CDIN1: variants seen among roughly 807,000 people sequenced by gnomAD.
CDIN1 encodes CDAN1 interacting nuclease 1, also known as CDAN1-interacting nuclease 1.
In CDIN1, 33 loss-of-function variants were observed where a neutral mutation model predicts 45.3. The observed-to-expected ratio is 0.73, with a 90% CI of 0.55 to 0.97. The LOEUF is 0.97. Among genes scored for constraint, CDIN1 ranks in the 50% least tolerant of loss-of-function variants. The pLI, the probability that CDIN1 is intolerant of heterozygous loss-of-function variation, is 0.00. For missense variants in CDIN1, 303 were observed against 339.4 expected (o/e 0.89, Z 0.84); for synonymous variants, 118 against 124.4 (o/e 0.95, Z 0.34).
At chr15:36,618,762 A>G in intron 1 of CDIN1, 2 of 67,980 alleles carry the variant, frequency 2.9e-5, no homozygotes, top group Non-Finnish European at 6.6e-5. Flanking sequence ...CAACTCAGCC[A>G]AAAAAAAAAA....
At chr15:36,703,341 CAG>C (rs34696343) in intron 8 of CDIN1, among the ~76,000 whole-genome samples, 5,894 of 60,524 alleles carry the variant, frequency 0.097, 529 homozygotes, top group African/African-American at 0.16. Context: ...ATAGATCTAT[CAG>C]ATATATACAT....
rs1165630114 is a variant in CDIN1 at position 36,673,455 on chromosome 15, C to G, written c.346+15550C>G. ...TAAACAAATTTGCTCAGGAGCTCATCAGTGTCAAGAGTAATAACGATTGTC... is the reference window on the plus strand; with the variant it reads ...TAAACAAATTTGCTCAGGAGCTCATGAGTGTCAAGAGTAATAACGATTGTC... On this transcript the variant is annotated intron_variant, in intron 5 of 10. Coordinates refer to ENST00000566621, the MANE Select transcript of CDIN1 (RefSeq NM_001321759.2). 8.5e-5 allele frequency among the ~76,000 whole-genome samples: 13 copies of G among 152,226 alleles called. No individual in the cohort carries two copies. The East Asian group carries it at 2.5e-3, about 29-fold the overall frequency.
Position 36,646,559 on chromosome 15 carries a change from C to T in CDIN1, c.212+1272C>T, listed in dbSNP as rs374047106. On this transcript the variant is annotated intron_variant, in intron 3 of 10. Transcript: ENST00000566621. ...ATTGACATTCAAATTAAAGTCATAG[C>T]CTAAATTATACATATGAAATTAAAA... 9.9e-5 allele frequency among the ~76,000 whole-genome samples: 15 copies of T among 152,158 alleles called. No homozygotes were observed. The East Asian group carries it at 2.1e-3, about 22-fold the overall frequency.
chr15:36,593,075 A>G (rs960212252), intron 1 of CDIN1, among the ~76,000 whole-genome samples: 2 of 152,198 alleles, frequency 1.3e-5, no homozygotes, highest in Admixed American at 6.5e-5. Context: ...ACTTGAAATA[A>G]GATAATACAT....
chr15:36,719,107 A>G (rs568943392), intron 10 of CDIN1, among the ~76,000 whole-genome samples: 1 of 152,006 alleles, frequency 6.6e-6, no homozygotes, highest in South Asian at 2.1e-4. Flanking sequence ...TTGTAGTCCT[A>G]GCTACTCAGA....
chr15:36,605,232 G>C, intron 1 of CDIN1, among the ~76,000 whole-genome samples: 1 of 152,252 alleles, frequency 6.6e-6, no homozygotes, highest in East Asian at 1.9e-4. Flanking sequence ...CAGATTAAAG[G>C]AGAATTTGAG....
chr15:36,639,147 A>G (rs1353938916), intron 1 of CDIN1, among the ~76,000 whole-genome samples: 1 of 152,228 alleles, frequency 6.6e-6, no homozygotes, highest in African/African-American at 2.4e-5. Context: ...TTTCCCAGCA[A>G]AAGTAGTTGA....
At chr15:36,628,670 G>T (rs1050526770) in intron 1 of CDIN1, among the ~76,000 whole-genome samples, 9 of 152,122 alleles carry the variant, frequency 5.9e-5, no homozygotes, top group African/African-American at 1.7e-4. Context: ...CTGGGATGGG[G>T]CAAATGTATC....
At chr15:36,785,133 G>A (rs1459649936) in intron 10 of CDIN1, among the ~76,000 whole-genome samples, 9 of 152,084 alleles carry the variant, frequency 5.9e-5, no homozygotes, top group Admixed American at 2.0e-4. Flanking sequence ...TCTGAGAATG[G>A]GGTGAATGAT....
At chr15:36,603,280 T>C (rs2038200082) in intron 1 of CDIN1, among the ~76,000 whole-genome samples, 1 of 152,192 alleles carries the variant, frequency 6.6e-6, no homozygotes, top group South Asian at 2.1e-4. Flanking sequence ...CTGTTTCCGT[T>C]ACCCGTCTCT....
chr15:36,608,779 A>G (rs1041909118), intron 1 of CDIN1, among the ~76,000 whole-genome samples: 9 of 152,118 alleles, frequency 5.9e-5, no homozygotes, highest in African/African-American at 1.9e-4. Flanking sequence ...TATTTTAGTA[A>G]AAGTTGTTTT....
chr15:36,628,259 C>G (rs540258123), intron 1 of CDIN1, among the ~76,000 whole-genome samples: 2 of 152,252 alleles, frequency 1.3e-5, no homozygotes, highest in African/African-American at 4.8e-5. Flanking sequence ...TATCTGCCTT[C>G]TGTCGCTCTA....
At chr15:36,801,090 T>C (rs2055029199) in intron 10 of CDIN1, among the ~76,000 whole-genome samples, 1 of 151,250 alleles carries the variant, frequency 6.6e-6, no homozygotes, top group Non-Finnish European at 1.5e-5. Context: ...ATCAGATCAT[T>C]CCGTAGTCTA....
At chr15:36,692,230 A>C in intron 7 of CDIN1, 55 bp downstream of exon 7, 1 of 1,497,206 alleles carries the variant, frequency 6.7e-7, no homozygotes, top group South Asian at 1.2e-5. Context: ...GACTCAGTGG[A>C]GATGTGTCTA....
rs761179146 is a variant in CDIN1 at position 36,709,248 on chromosome 15, T to G, written c.570T>G (p.Gly190=). The G allele has an allele frequency of 3.7e-6, 6 of 1,604,048 alleles. No individual in the cohort carries two copies. The South Asian group carries it at 6.7e-5, about 18-fold the overall frequency. The part of the protein sequence containing the change: ...FLDEDQLRAK[G]YDKTPDFILQ... ...ATGAAGATCAGCTTCGTGCAAAGGG[T>G]TATGACAAAACACCAGACTTCATTT... The change falls in exon 9 of 11, where the codon GGT becomes GGG. Residue 190 remains glycine (G), a synonymous_variant. Coordinates refer to ENST00000566621, the MANE Select transcript of CDIN1 (RefSeq NM_001321759.2).
chr15:36,726,576 A>G (rs1176168863), intron 10 of CDIN1, among the ~76,000 whole-genome samples: 1 of 152,226 alleles, frequency 6.6e-6, no homozygotes, highest in Non-Finnish European at 1.5e-5. Context: ...CTACATAGGA[A>G]TAGTTGAAAA....
intron 10 of CDIN1, among the ~76,000 whole-genome samples, chr15:36,790,687 A>G (rs1305981795): frequency 6.6e-6 from 1 of 152,224 alleles, no homozygotes; most frequent in Non-Finnish European, 1.5e-5. Flanking sequence ...TTAAAGGTTG[A>G]GATGACCAAT....
intron 7 of CDIN1, among the ~76,000 whole-genome samples, chr15:36,696,210 T>C (rs1049916623): frequency 1.3e-5 from 2 of 152,190 alleles, no homozygotes; most frequent in Non-Finnish European, 2.9e-5. Context: ...TATATATTCA[T>C]ATGTATATCT....
At chr15:36,730,784 T>C (rs1414466195) in intron 10 of CDIN1, among the ~76,000 whole-genome samples, 3 of 152,144 alleles carry the variant, frequency 2.0e-5, no homozygotes, top group Non-Finnish European at 4.4e-5. Context: ...ACAATATTTC[T>C]TGAGTGCCAA....
Sources: gnomAD v4.1 joint callset for allele counts (sites outside exome capture counted in the v4.1 genomes callset) on GRCh38, gnomAD v4.1.1 for gene constraint, MANE v1.5 for transcripts, NCBI Gene and HGNC (gene_info 2026-07-23, HGNC 2026-07-21) for gene names.